The following CROT variants were observed in gnomAD, a reference collection of about 807,000 sequenced individuals.
CROT encodes the protein peroxisomal carnitine O-octanoyltransferase.
CROT carries 84 observed loss-of-function variants against 89.2 expected under a neutral mutation model. The observed-to-expected ratio is 0.94, with a 90% CI of 0.79 to 1.13. The LOEUF is 1.13. Among genes scored for constraint, CROT ranks in the 50% most tolerant of loss-of-function variants. CROT has a pLI of 0.00. For synonymous variants in CROT, 212 were observed against 239.5 expected (o/e 0.89, Z 1.06); for missense variants, 711 against 727.8 (o/e 0.98, Z 0.27).
chr7:87,364,221 C>T (rs80062470), intron 6 of CROT, among the ~76,000 whole-genome samples: 2,119 of 152,282 alleles, frequency 0.014, 48 homozygotes, highest in African/African-American at 0.048. Flanking sequence ...TAGAAAGCAA[C>T]TGTAAATCCA....
chr7:87,397,610 G>A lies in CROT; in HGVS notation c.1719-914G>A, dbSNP rs945434084. 5.3e-5 allele frequency among the ~76,000 whole-genome samples: 8 copies of A among 152,318 alleles called. No homozygotes were observed. The South Asian group carries it at 1.7e-3, about 32-fold the overall frequency. On this transcript the variant is annotated intron_variant, in intron 17 of 17. Coordinates refer to ENST00000331536, the MANE Select transcript of CROT (RefSeq NM_021151.4). ...ATCTGGGAATTCCATGCCAAGTGTA[G>A]CTGGAGAATGATTCGTGATCATGAA...
At chr7:87,376,405 T>C (rs1806812579) in intron 9 of CROT, among the ~76,000 whole-genome samples, 5 of 152,094 alleles carry the variant, frequency 3.3e-5, no homozygotes, top group Admixed American at 3.3e-4. Context: ...TTTGGTTAAT[T>C]GCTGAACACA....
intron 9 of CROT, among the ~76,000 whole-genome samples, chr7:87,376,961 G>T (rs1806829798): frequency 6.6e-6 from 1 of 152,034 alleles, no homozygotes; most frequent in Non-Finnish European, 1.5e-5. Context: ...AACAGGTTTA[G>T]TAGGAAACGA....
chr7:87,382,269 G>A, intron 12 of CROT, 88 bp downstream of exon 12: 1 of 1,399,016 alleles, frequency 7.1e-7, no homozygotes, highest in Non-Finnish European at 9.9e-7. Flanking sequence ...AAGCATGTCT[G>A]CACAAAACAT....
At chr7:87,358,083 G>C (rs957913850) in intron 3 of CROT, among the ~76,000 whole-genome samples, 1 of 152,188 alleles carries the variant, frequency 6.6e-6, no homozygotes, top group African/African-American at 2.4e-5. Flanking sequence ...AACACTGTTA[G>C]AAGTTGAAGG....
intron 13 of CROT, among the ~76,000 whole-genome samples, chr7:87,386,178 A>G (rs902243216): frequency 1.3e-5 from 2 of 152,202 alleles, no homozygotes; most frequent in African/African-American, 2.4e-5. Flanking sequence ...TGCTGTCTTC[A>G]TAGAATGAGA....
chr7:87,372,254 T>C (rs1394326432), intron 7 of CROT, among the ~76,000 whole-genome samples: 2 of 152,236 alleles, frequency 1.3e-5, no homozygotes, highest in African/African-American at 4.8e-5. Context: ...TTATACATTA[T>C]GTGTGTTGCA....
chr7:87,358,145 C>T (rs1242668266), intron 3 of CROT, among the ~76,000 whole-genome samples: 1 of 152,088 alleles, frequency 6.6e-6, no homozygotes, highest in African/African-American at 2.4e-5. Context: ...GACTCTTGAA[C>T]AATGCAGGGC....
chr7:87,392,695 T>G, intron 15 of CROT, 35 bp from the exon 16 acceptor site: 1 of 1,611,230 alleles, frequency 6.2e-7, no homozygotes, highest in Non-Finnish European at 8.5e-7. Context: ...GGTGAAAAAT[T>G]TTTTTCTAAC....
At position 87,369,500 on chromosome 7, in the gene CROT, TC is replaced by T; in HGVS notation, c.656+17del. On this transcript the variant is annotated intron_variant, in intron 7 of 17. Transcript: ENST00000331536. Reference sequence around the variant, plus strand: ...AGCTTCTCAGGTTTTCAGACTACTTTCTTGAGTTTCATTAGGTCTTATGGTG... The same window carrying T: ...AGCTTCTCAGGTTTTCAGACTACTTTTTGAGTTTCATTAGGTCTTATGGTG... The T allele has an allele frequency of 6.4e-7, 1 of 1,566,706 alleles. No homozygotes were observed. Among genetic ancestry groups the T allele is most frequent in the South Asian group, 1.1e-5 (1 of 89,448 alleles).
At chr7:87,368,243 C>G (rs1407853692) in intron 6 of CROT, among the ~76,000 whole-genome samples, 4 of 152,184 alleles carry the variant, frequency 2.6e-5, no homozygotes, top group Non-Finnish European at 5.9e-5. Flanking sequence ...CAAATATCCG[C>G]CAGGTTTATT....
At chr7:87,359,386 T>C (rs1806205235) in intron 4 of CROT, 56 bp downstream of exon 4, 9 of 1,517,390 alleles carry the variant, frequency 5.9e-6, no homozygotes, top group Non-Finnish European at 7.1e-6. Context: ...AAATAAAAAG[T>C]GCATAGTTTT....
At chr7:87,364,020 C>T (rs368360665) in intron 6 of CROT, among the ~76,000 whole-genome samples, 1 of 152,136 alleles carries the variant, frequency 6.6e-6, no homozygotes, top group East Asian at 1.9e-4. Context: ...TAGGTAGATT[C>T]ATGAGGTGGG....
intron 5 of CROT, 59 bp from the exon 6 acceptor site, chr7:87,361,669 G>C (rs1562929824): frequency 2.6e-6 from 4 of 1,537,170 alleles, no homozygotes; most frequent in Non-Finnish European, 3.5e-6. Flanking sequence ...GAACACTTCA[G>C]TTGTGGCTGG....
chr7:87,389,641 AG>A (rs1213605326), intron 13 of CROT, among the ~76,000 whole-genome samples: 1 of 152,038 alleles, frequency 6.6e-6, no homozygotes, highest in Non-Finnish European at 1.5e-5. Flanking sequence ...GGGCTAGGGG[AG>A]GGATAGCATT....
Position 87,361,557 on chromosome 7 carries a change from G to C in CROT, c.408G>C (p.Trp136Cys), listed in dbSNP as rs149695092. ...CTCTTTGGCATAACTTGAACTACTGGCAGCTATTAAGAAAGTAAGGACACA... is the reference window on the plus strand; with the variant it reads ...CTCTTTGGCATAACTTGAACTACTGCCAGCTATTAAGAAAGTAAGGACACA... ...SITLWHNLNY[W>C]QLLRKEKVPV... Residue 136 changes from tryptophan to cysteine, a missense_variant, in exon 5 of 18, where the codon TGG (tryptophan) becomes TGC (cysteine). Transcript: ENST00000331536. 1.4e-4 allele frequency: 218 copies of C among 1,593,146 alleles called. No individual in the cohort carries two copies. The highest frequency in any genetic ancestry group is 1.8e-4 in the Non-Finnish European group (211 of 1,170,974).
At chr7:87,347,490 A>G (rs1186285566) in intron 2 of CROT, among the ~76,000 whole-genome samples, 1 of 152,252 alleles carries the variant, frequency 6.6e-6, no homozygotes, top group East Asian at 1.9e-4. Context: ...ACTTGGATCC[A>G]GATCTACATT....
chr7:87,392,249 G>C (rs1429409930), intron 14 of CROT, among the ~76,000 whole-genome samples: 1 of 152,190 alleles, frequency 6.6e-6, no homozygotes, highest in South Asian at 2.1e-4. Context: ...TTATAGAACT[G>C]CTTTATTGTC....
At chr7:87,380,183 G>C (rs1023612599) in intron 10 of CROT, among the ~76,000 whole-genome samples, 1 of 39,216 alleles carries the variant, frequency 2.5e-5, no homozygotes, top group African/African-American at 5.2e-5. Context: ...AAGCCATGTT[G>C]CTGGTCCATA....
Sources: allele counts gnomAD v4.1 joint callset (sites outside exome capture counted in the v4.1 genomes callset), GRCh38; gene constraint gnomAD v4.1.1; transcripts MANE v1.5; gene names NCBI Gene and HGNC (gene_info 2026-07-23, HGNC 2026-07-21).